Variants in CRYL1 observed in about 807,000 individuals in gnomAD.
CRYL1 encodes lambda-crystallin homolog.
Under a neutral mutation model 36.6 loss-of-function variants are expected in CRYL1, and 29 were observed. That is an observed-to-expected ratio of 0.79 (90% confidence interval 0.59 to 1.08). The LOEUF is 1.08. CRYL1 is among the 50% of genes least tolerant of loss of function. The pLI is 0.00. For missense variants in CRYL1, 411 were observed against 407.9 expected (o/e 1.01, Z -0.06); for synonymous variants, 152 against 151.5 (o/e 1.00, Z -0.02).
intron 3 of CRYL1, among the ~76,000 whole-genome samples, chr13:20,484,968 T>C (rs1471085766): frequency 1.3e-5 from 2 of 152,174 alleles, no homozygotes; most frequent in Non-Finnish European, 2.9e-5. Context: ...GGGTTTCATT[T>C]ACTTGTTTGT....
chr13:20,480,993 G>A (rs113624227), intron 3 of CRYL1, among the ~76,000 whole-genome samples: 287 of 152,038 alleles, frequency 1.9e-3, no homozygotes, highest in African/African-American at 6.5e-3. Context: ...CAAAAAAAAA[G>A]CCAAGCAAAT....
At chr13:20,413,883 TG>T (rs532673369) in intron 5 of CRYL1, among the ~76,000 whole-genome samples, 140 of 152,272 alleles carry the variant, frequency 9.2e-4, no homozygotes, top group African/African-American at 3.3e-3. Flanking sequence ...TATTATCATA[TG>T]TTATAAATGG....
At chr13:20,409,894 A>C (rs2031475004) in intron 6 of CRYL1, among the ~76,000 whole-genome samples, 1 of 152,334 alleles carries the variant, frequency 6.6e-6, no homozygotes, top group South Asian at 2.1e-4. Flanking sequence ...TAGGTGCCGG[A>C]GAGGATGTGG....
chr13:20,430,244 A>C (rs2032028546), intron 5 of CRYL1: 1 of 984,608 alleles, frequency 1.0e-6, no homozygotes, highest in South Asian at 4.7e-5. Flanking sequence ...GGTTTTACTC[A>C]CATTTTCTTA....
At chr13:20,515,357 GT>G (rs754822356) in intron 1 of CRYL1, among the ~76,000 whole-genome samples, 1 of 152,144 alleles carries the variant, frequency 6.6e-6, no homozygotes, top group Non-Finnish European at 1.5e-5. Flanking sequence ...AAAAATAAAT[GT>G]TTGTAAACAT....
chr13:20,475,215 A>C (rs1367817348), intron 3 of CRYL1, among the ~76,000 whole-genome samples: 1 of 152,038 alleles, frequency 6.6e-6, no homozygotes, highest in East Asian at 1.9e-4. Context: ...GCCTCCCCGC[A>C]TTCCCAGACC....
intron 6 of CRYL1, among the ~76,000 whole-genome samples, chr13:20,406,450 C>T (rs900105853): frequency 3.3e-5 from 5 of 152,130 alleles, no homozygotes; most frequent in African/African-American, 1.2e-4. Flanking sequence ...CTGACATTAG[C>T]ATCTGAAATT....
At chr13:20,511,284 G>T (rs1333889131) in intron 2 of CRYL1, among the ~76,000 whole-genome samples, 1 of 151,914 alleles carries the variant, frequency 6.6e-6, no homozygotes, top group African/African-American at 2.4e-5. Flanking sequence ...TAGAGACGGG[G>T]TCTCACTATG....
intron 3 of CRYL1, among the ~76,000 whole-genome samples, chr13:20,449,766 T>C (rs947407102): frequency 3.3e-5 from 5 of 152,182 alleles, no homozygotes; most frequent in African/African-American, 1.2e-4. Context: ...AAAATCAATG[T>C]ACAAAAATCA....
chr13:20,474,219 T>C (rs1045169743), intron 3 of CRYL1, among the ~76,000 whole-genome samples: 4 of 152,142 alleles, frequency 2.6e-5, no homozygotes, highest in Non-Finnish European at 4.4e-5. Context: ...TTTTCATAAT[T>C]TCCTCCACTT....
At chr13:20,522,245 G>A (rs1452219865) in intron 1 of CRYL1, among the ~76,000 whole-genome samples, 1 of 152,042 alleles carries the variant, frequency 6.6e-6, no homozygotes, top group Non-Finnish European at 1.5e-5. Flanking sequence ...AACTACTTGG[G>A]AGGCTGAGGC....
chr13:20,473,418 C>T (rs1294682460), intron 3 of CRYL1, among the ~76,000 whole-genome samples: 3 of 152,256 alleles, frequency 2.0e-5, no homozygotes, highest in Admixed American at 2.0e-4. Flanking sequence ...TAAAGCTGCA[C>T]ATGGCCAGAC....
chr13:20,502,069 C>A (rs1469214253), intron 2 of CRYL1, among the ~76,000 whole-genome samples: 1 of 152,138 alleles, frequency 6.6e-6, no homozygotes, highest in East Asian at 1.9e-4. Flanking sequence ...CTCCAGACTT[C>A]CGTTTGACAG....
chr13:20,471,534 G>A lies in CRYL1; in HGVS notation c.276+17836C>T, dbSNP rs551741348. 2.4e-4 allele frequency among the ~76,000 whole-genome samples: 36 copies of A among 152,130 alleles called. No homozygotes were observed. The South Asian group carries it at 7.3e-3, about 31-fold the overall frequency. ...GTAGGAGAATGGCGTGAACCCAGGA[G>A]GCTGAGCTTTCAGTGAGCCGAGATC... On this transcript the variant is annotated intron_variant, in intron 3 of 7. Transcript: ENST00000298248.
intron 5 of CRYL1, chr13:20,426,574 A>AG: frequency 2.2e-6 from 1 of 451,654 alleles, no homozygotes; most frequent in African/African-American, 2.1e-5. Flanking sequence ...GTCAGAGAGA[A>AG]GGAGTCAGAA....
intron 3 of CRYL1, among the ~76,000 whole-genome samples, chr13:20,483,174 T>C (rs1423489791): frequency 6.6e-6 from 1 of 152,152 alleles, no homozygotes; most frequent in Non-Finnish European, 1.5e-5. Context: ...TATTTCAAAA[T>C]AGAAGATTTA....
At chr13:20,429,062 C>G (rs543693304) in intron 5 of CRYL1, among the ~76,000 whole-genome samples, 65 of 152,274 alleles carry the variant, frequency 4.3e-4, no homozygotes, top group African/African-American at 1.5e-3. Flanking sequence ...AGTTGCCCCC[C>G]GACCAATGCT....
intron 3 of CRYL1, among the ~76,000 whole-genome samples, chr13:20,442,138 G>A (rs60475676): frequency 0.051 from 7,803 of 152,258 alleles, 667 homozygotes; most frequent in African/African-American, 0.18. Flanking sequence ...GCTAATAAAA[G>A]AGTCTCCATG....
chr13:20,484,292 G>A (rs1320337319), intron 3 of CRYL1, among the ~76,000 whole-genome samples: 1 of 152,168 alleles, frequency 6.6e-6, no homozygotes, highest in Admixed American at 6.5e-5. Context: ...GCACCACAGG[G>A]CGGGTGAGTG....
Sources: gnomAD v4.1 joint callset for allele counts (sites outside exome capture counted in the v4.1 genomes callset) on GRCh38, gnomAD v4.1.1 for gene constraint, MANE v1.5 for transcripts, NCBI Gene and HGNC (gene_info 2026-07-23, HGNC 2026-07-21) for gene names.